Variants in CYP2C19 observed in about 807,000 individuals in gnomAD.
CYP2C19 encodes the protein cytochrome P450 family 2 subfamily C member 19.
A neutral mutation model predicts 40.9 loss-of-function variants in CYP2C19; 59 were observed. The observed-to-expected ratio is 1.44, with a 90% CI of 1.17 to 1.79. CYP2C19 has a LOEUF of 1.79. Ranked by LOEUF, CYP2C19 falls within the 40% of genes most tolerant of loss-of-function variation. The pLI, the probability that CYP2C19 is intolerant of heterozygous loss-of-function variation, is 0.00. For synonymous variants in CYP2C19, 253 were observed against 208.7 expected (o/e 1.21, Z -1.83); for missense variants, 754 against 596.9 (o/e 1.26, Z -2.74).
At chr10:94,786,830 C>G (rs912573505) in intron 5 of CYP2C19, among the ~76,000 whole-genome samples, 1 of 152,110 alleles carries the variant, frequency 6.6e-6, no homozygotes, top group African/African-American at 2.4e-5. Flanking sequence ...ATCTATGTTG[C>G]TGCAAAGACA....
intron 5 of CYP2C19, among the ~76,000 whole-genome samples, chr10:94,789,577 C>A (rs937896530): frequency 2.6e-5 from 4 of 152,086 alleles, no homozygotes; most frequent in African/African-American, 9.7e-5. Flanking sequence ...AGCCAGTTTT[C>A]CCAACACCAT....
At chr10:94,804,657 C>G (rs1487455659) in intron 5 of CYP2C19, among the ~76,000 whole-genome samples, 1 of 152,170 alleles carries the variant, frequency 6.6e-6, no homozygotes, top group Admixed American at 6.5e-5. Flanking sequence ...AGGGGAGGCT[C>G]TCTTTCACAT....
rs561245117 is a variant in CYP2C19, at chr10:94,780,061, T to G, written c.482-438T>G. Reference sequence around the variant, plus strand: ...CCTAGTCTCTCTAGTTCCTCTCTACTGGTTCAATACATGATTCTTTGAGCT... The same window carrying G: ...CCTAGTCTCTCTAGTTCCTCTCTACGGGTTCAATACATGATTCTTTGAGCT... On this transcript the variant is annotated intron_variant, in intron 3 of 8. Coordinates refer to ENST00000371321, the MANE Select transcript of CYP2C19 (RefSeq NM_000769.4). Among the ~76,000 whole-genome samples, 5 of 152,332 alleles carry G rather than the reference T, an allele frequency of 3.3e-5. No homozygotes were observed. The East Asian group carries it at 7.7e-4, about 23-fold the overall frequency.
chr10:94,766,408 G>C (rs2134229959), intron 1 of CYP2C19, among the ~76,000 whole-genome samples: 1 of 152,168 alleles, frequency 6.6e-6, no homozygotes, highest in East Asian at 1.9e-4. Flanking sequence ...CCGAGTAAAA[G>C]GTAGGAGTAA....
chr10:94,774,570 A>G, intron 1 of CYP2C19: 2 of 168,300 alleles, frequency 1.2e-5, no homozygotes, highest in Admixed American at 5.6e-5. Context: ...TTTTACTATA[A>G]ATGCTATGAT....
At chr10:94,852,560 C>T (rs1849669660) in intron 8 of CYP2C19, among the ~76,000 whole-genome samples, 173 bp from the exon 9 acceptor site, 1 of 152,092 alleles carries the variant, frequency 6.6e-6, no homozygotes, top group South Asian at 2.1e-4. Flanking sequence ...ATCCTTCCAC[C>T]CATCCATCCT....
At chr10:94,827,113 C>G (rs1345102181) in intron 6 of CYP2C19, among the ~76,000 whole-genome samples, 2 of 151,622 alleles carry the variant, frequency 1.3e-5, no homozygotes, top group African/African-American at 4.9e-5. Context: ...GGATATTGGT[C>G]TAAAATTCTC....
At position 94,762,870 on chromosome 10, in the gene CYP2C19, C is replaced by T; in HGVS notation, c.165C>T (p.Thr55=). 6.2e-7 allele frequency: 1 copy of T among 1,612,972 alleles called. No individual in the cohort carries two copies. The highest frequency in any genetic ancestry group is 8.5e-7 in the Non-Finnish European group (1 of 1,179,136). Residue 55 remains threonine, a synonymous_variant, in exon 1 of 9, where the codon ACC becomes ACT. Transcript: ENST00000371321. ...IDIKDVSKSL[T]NLSKIYGPVF... The stretch of plus-strand genomic sequence containing the variant: ...TTAAGGATGTCAGCAAATCCTTAAC[C>T]AATGTAAGTATGCTCCTTCAGTGGC...
chr10:94,815,731 C>T (rs1848992176), intron 5 of CYP2C19, among the ~76,000 whole-genome samples: 1 of 152,196 alleles, frequency 6.6e-6, no homozygotes, highest in Non-Finnish European at 1.5e-5. Context: ...ATATAGATTA[C>T]AATACTGTGG....
At chr10:94,847,843 T>G (rs1413012635) in intron 7 of CYP2C19, among the ~76,000 whole-genome samples, 1 of 152,240 alleles carries the variant, frequency 6.6e-6, no homozygotes, top group Non-Finnish European at 1.5e-5. Context: ...GATGAGCATT[T>G]TTTCAAGTGC....
At chr10:94,801,802 G>C (rs1848768936) in intron 5 of CYP2C19, among the ~76,000 whole-genome samples, 1 of 152,194 alleles carries the variant, frequency 6.6e-6, no homozygotes, top group South Asian at 2.1e-4. Context: ...ATTTAGGATA[G>C]TTAGCTCTTC....
At chr10:94,821,687 TC>T (rs1350269254) in intron 6 of CYP2C19, among the ~76,000 whole-genome samples, 2 of 152,192 alleles carry the variant, frequency 1.3e-5, no homozygotes, top group African/African-American at 4.8e-5. Context: ...TATTCTTTTT[TC>T]CCCTGTGTCA....
At chr10:94,789,358 A>G (rs1183501289) in intron 5 of CYP2C19, among the ~76,000 whole-genome samples, 1 of 152,040 alleles carries the variant, frequency 6.6e-6, no homozygotes, top group East Asian at 1.9e-4. Context: ...ATGAGATCTC[A>G]TTAGTCAATT....
intron 5 of CYP2C19, among the ~76,000 whole-genome samples, chr10:94,789,250 T>C (rs986267718): frequency 6.6e-6 from 1 of 152,034 alleles, no homozygotes; most frequent in South Asian, 2.1e-4. Context: ...AGTTGCCCTT[T>C]GTCAGATGGA....
chr10:94,849,710 T>C lies in CYP2C19; in HGVS notation c.1150-207T>C, dbSNP rs549463950. On this transcript the variant is annotated intron_variant, in intron 7 of 8. Transcript: ENST00000371321. ...TGTGTTCTCATTGTTCAATTCCTGA[T>C]TGTGGGCATTTTAGCAAGATTATTG... Among the ~76,000 whole-genome samples the C allele has an allele frequency of 8.2e-5, 12 of 146,362 alleles. No homozygotes were observed. The South Asian group carries it at 2.6e-3, about 32-fold the overall frequency.
chr10:94,854,416 A>G lies in CYP2C19; in HGVS notation c.*1502A>G, dbSNP rs1849702398. ...ATTAGTGGGATGATAATTTTATGCT[A>G]TTGTCCTAATATAATTAGCCTCATG... On this transcript the variant is annotated 3_prime_UTR_variant, in exon 9 of 9. Coordinates refer to ENST00000371321, the MANE Select transcript of CYP2C19 (RefSeq NM_000769.4). Among the ~76,000 whole-genome samples, 1 of 152,032 alleles carries G rather than the reference A, an allele frequency of 6.6e-6. No homozygotes were observed. Among genetic ancestry groups the G allele is most frequent in the African/African-American group, 2.4e-5 (1 of 41,390 alleles).
intron 6 of CYP2C19, among the ~76,000 whole-genome samples, chr10:94,839,425 G>C (rs533231352): frequency 6.6e-6 from 1 of 152,168 alleles, no homozygotes; most frequent in Non-Finnish European, 1.5e-5. Flanking sequence ...AGGGGTCCGG[G>C]CTGCTGGGTT....
intron 5 of CYP2C19, among the ~76,000 whole-genome samples, chr10:94,799,186 A>G (rs1848730872): frequency 1.3e-5 from 2 of 152,000 alleles, no homozygotes; most frequent in East Asian, 3.9e-4. Context: ...GAGCTCTTGT[A>G]AAGCAGGCCT....
rs867094630 is a variant in CYP2C19 at position 94,818,007 on chromosome 10, C to T, written c.820-2489C>T. 4.4e-3 allele frequency among the ~76,000 whole-genome samples: 362 copies of T among 82,228 alleles called. 1 individual carries two copies. The highest frequency in any genetic ancestry group is 0.018 in the African/African-American group (344 of 19,200). The allele number at this position is 82,228 out of a possible 152,430, so 53.9% of individuals were successfully genotyped here. On this transcript the variant is annotated intron_variant, in intron 5 of 8. Coordinates refer to ENST00000371321, the MANE Select transcript of CYP2C19 (RefSeq NM_000769.4). ...CAGCCTGGGCGACAGAGTGAGACTC[C>T]ATCTCAAAAAAAAAAAAAAAAAAAA...
Sources: gnomAD v4.1 joint callset for allele counts (sites outside exome capture counted in the v4.1 genomes callset) on GRCh38, gnomAD v4.1.1 for gene constraint, MANE v1.5 for transcripts, NCBI Gene and HGNC (gene_info 2026-07-23, HGNC 2026-07-21) for gene names.